RFC5: variants seen among roughly 807,000 people sequenced by gnomAD.
RFC5 encodes A1 36 kDa subunit.
In RFC5, 26 loss-of-function variants were observed where a neutral mutation model predicts 44.3. That is an observed-to-expected ratio of 0.59 (90% CI 0.43 to 0.81). The LOEUF is 0.81. Ranked by LOEUF, RFC5 falls within the 40% of genes least tolerant of loss-of-function variation. The probability of loss-of-function intolerance (pLI) is 0.00; values close to 1 mark genes in which losing one functional copy is unlikely to be tolerated. For synonymous variants in RFC5, 155 were observed against 155.2 expected, an observed-to-expected ratio of 1.00 and a Z score of 0.01; for missense variants, 328 against 418.6, an observed-to-expected ratio of 0.78 and a Z score of 1.89.
downstream of RFC5, chr12:118,034,244 C>T (rs759401258): frequency 1.5e-5 from 24 of 1,614,062 alleles, no homozygotes; most frequent in African/African-American, 2.7e-5. Context: ...TGGGGATTGG[C>T]AGTGCTAGGA....
intron 8 of RFC5, 59 bp downstream of exon 8, chr12:118,027,077 G>A (rs2030998728): frequency 1.9e-6 from 3 of 1,560,110 alleles, no homozygotes; most frequent in Middle Eastern, 1.7e-4. Flanking sequence ...AGGAGTTCAG[G>A]TTGCAGCCAG....
Position 118,019,574 on chromosome 12 carries a change from G to C in RFC5, c.131-58G>C. On this transcript the variant is annotated intron_variant, in intron 2 of 10. Transcript: ENST00000454402. The surrounding 1 kb of genome is among the most constrained non-coding windows in gnomAD (Gnocchi z 4.2). Reference sequence around the variant, plus strand: ...GCTTTCAGCCCAACTCAGGAGCCCAGGGTGAATGAGGCAGCTCCCAAAGAC... The same window carrying C: ...GCTTTCAGCCCAACTCAGGAGCCCACGGTGAATGAGGCAGCTCCCAAAGAC... 6.2e-7 allele frequency: 1 copy of C among 1,605,254 alleles called. No homozygotes were observed. Among genetic ancestry groups the C allele is most frequent in the Non-Finnish European group, 8.5e-7 (1 of 1,174,002 alleles).
chr12:118,034,378 G>A (rs369806233), downstream of RFC5: 14 of 1,612,306 alleles, frequency 8.7e-6, no homozygotes, highest in Admixed American at 1.7e-5. Flanking sequence ...AACAGAAACC[G>A]ATGCTAAGAC....
intron 9 of RFC5, 70 bp downstream of exon 9, chr12:118,028,100 G>A: frequency 1.1e-6 from 1 of 914,536 alleles, no homozygotes; most frequent in South Asian, 1.3e-5. Flanking sequence ...AGGATGGTTA[G>A]GACAGGAGGC....
Position 118,024,892 on chromosome 12 carries a change from T to G in RFC5, c.463T>G (p.Cys155Gly). ...FTENTRFCLI[C>G]NYLSKIIPAL... is the part of the protein sequence containing the mutation. The stretch of plus-strand genomic sequence containing the variant: ...AGAAAATACCAGATTCTGCCTCATC[T>G]GTAACTATCTGTCAAAGATCATCCC... Residue 155 changes from cysteine to glycine, a missense_variant, in exon 6 of 11, where the codon TGT (cysteine) becomes GGT (glycine). Transcript: ENST00000454402. 1 of 1,613,732 alleles carries G rather than the reference T, an allele frequency of 6.2e-7. No individual in the cohort carries two copies. The highest frequency in any genetic ancestry group is 8.5e-7 in the Non-Finnish European group (1 of 1,179,858).
intron 5 of RFC5, among the ~76,000 whole-genome samples, chr12:118,023,278 A>G (rs1180907025): frequency 6.6e-6 from 1 of 151,490 alleles, no homozygotes; most frequent in East Asian, 1.9e-4. Context: ...TTTCTCTTAA[A>G]GGACACTTGT....
the RFC5 span, among the ~76,000 whole-genome samples, chr12:118,040,352 G>A: frequency 6.6e-6 from 1 of 151,998 alleles, no homozygotes; most frequent in Non-Finnish European, 1.5e-5. Flanking sequence ...CCCACTCTTG[G>A]TCACTCTCAC....
chr12:118,019,261 A>G lies in RFC5; in HGVS notation c.130+125A>G. 1 of 758,060 alleles carries G rather than the reference A, an allele frequency of 1.3e-6. No homozygotes were observed. The highest frequency in any genetic ancestry group is 1.5e-5 in the South Asian group (1 of 64,830). 47.0% of individuals were successfully genotyped at this position (758,060 alleles called of 1,614,324 possible). ...ATTGCGCTTTGTAGAATGTGGCTTT[A>G]AGATCATTCATTCATTTTCTTCAGG... On this transcript the variant is annotated intron_variant, in intron 2 of 10. Transcript: ENST00000454402. The surrounding 1 kb of genome is among the most constrained non-coding windows in gnomAD (Gnocchi z 4.2).
At chr12:118,025,105 A>G in intron 6 of RFC5, 95 bp downstream of exon 6, 2 of 1,254,706 alleles carry the variant, frequency 1.6e-6, no homozygotes, top group Non-Finnish European at 1.1e-6. Context: ...GAATGTTGGA[A>G]AACGACTTTG....
downstream of RFC5, chr12:118,034,643 G>C: frequency 2.1e-6 from 1 of 486,894 alleles, no homozygotes; most frequent in East Asian, 3.4e-5. Flanking sequence ...AGTATAAGGG[G>C]GAAGAGTGCC....
intron 9 of RFC5, 122 bp downstream of exon 9, chr12:118,028,152 C>A: frequency 1.5e-6 from 1 of 688,160 alleles, no homozygotes; most frequent in Non-Finnish European, 2.6e-6. Context: ...GTAAATCAGA[C>A]CCTTCTTGTT....
In RFC5 at chr12:118,016,815, T is replaced by C; in HGVS notation, c.-13T>C. 6.2e-7 allele frequency: 1 copy of C among 1,608,946 alleles called. No individual in the cohort carries two copies. The highest frequency in any genetic ancestry group is 8.5e-7 in the Non-Finnish European group (1 of 1,177,646). ...ACGATCTCAGCGGATCTGGTCACCT[T>C]CGTCTCCCCGCCATGGAGACCTCAG... On this transcript the variant is annotated 5_prime_UTR_variant, in exon 1 of 11. Coordinates refer to ENST00000454402, the MANE Select transcript of RFC5 (RefSeq NM_007370.7).
chr12:118,025,443 T>C (rs909522175), intron 6 of RFC5: 2 of 370,390 alleles, frequency 5.4e-6, no homozygotes, highest in Admixed American at 4.1e-5. Flanking sequence ...TGTGTGATCA[T>C]GGCTTGTGCC....
downstream of RFC5, chr12:118,036,296 A>G (rs368742788): frequency 1.3e-5 from 20 of 1,591,730 alleles, no homozygotes; most frequent in Admixed American, 6.8e-5. Context: ...GTTCCTCATC[A>G]GTCCCCCCAC....
At chr12:118,040,115 A>G in the RFC5 span, among the ~76,000 whole-genome samples, 1 of 151,998 alleles carries the variant, frequency 6.6e-6, no homozygotes, top group Non-Finnish European at 1.5e-5. Flanking sequence ...AGAGGCTACA[A>G]TAAGCCGAGA....
chr12:118,034,090 G>T (rs1376117343), downstream of RFC5: 4 of 1,446,564 alleles, frequency 2.8e-6, no homozygotes, highest in Non-Finnish European at 2.9e-6. Context: ...CAATCCCAAA[G>T]AAATGCTATT....
At chr12:118,038,189 G>T in the RFC5 span, 1 of 1,159,146 alleles carries the variant, frequency 8.6e-7, no homozygotes, top group Non-Finnish European at 1.2e-6. Flanking sequence ...TTCTATTGGG[G>T]TGGATTTGCG....
At chr12:118,027,175 G>A in intron 8 of RFC5, 157 bp downstream of exon 8, 1 of 702,918 alleles carries the variant, frequency 1.4e-6, no homozygotes, top group Admixed American at 2.6e-5. Context: ...GGTGGAGTGG[G>A]TACTTGTCTT....
intron 4 of RFC5, among the ~76,000 whole-genome samples, chr12:118,021,682 C>T (rs910504645): frequency 1.1e-4 from 17 of 148,330 alleles, no homozygotes; most frequent in South Asian, 2.1e-4. Flanking sequence ...GAGGGCCGGG[C>T]GCAGTGGCTC....
Sources: allele counts gnomAD v4.1 joint callset (sites outside exome capture counted in the v4.1 genomes callset), GRCh38; gene constraint gnomAD v4.1.1; non-coding constraint Gnocchi (gnomAD v3.1); transcripts MANE v1.5; gene names NCBI Gene and HGNC (gene_info 2026-07-23, HGNC 2026-07-21).